PRELID2: variants seen among roughly 807,000 people sequenced by gnomAD.
The protein encoded by PRELID2 is PRELI domain-containing protein 2.
PRELID2 carries 25 observed loss-of-function variants against 28.4 expected under a neutral mutation model. The observed-to-expected ratio is 0.88, with a 90% CI of 0.64 to 1.23. The LOEUF (loss-of-function observed/expected upper bound fraction) is 1.23, where lower values mean the gene tolerates loss of function less well. Among genes scored for constraint, PRELID2 ranks in the 50% most tolerant of loss-of-function variants. PRELID2 has a pLI of 0.00. For synonymous variants in PRELID2, 76 were observed against 71.6 expected (o/e 1.06, Z -0.31); for missense variants, 201 against 214.4 (o/e 0.94, Z 0.39).
chr5:145,406,820 C>A, the PRELID2 span, among the ~76,000 whole-genome samples: 1 of 152,164 alleles, frequency 6.6e-6, no homozygotes, highest in Non-Finnish European at 1.5e-5. Flanking sequence ...AAAATCCAGA[C>A]CACAGGAGAA....
At chr5:145,287,412 A>G in the PRELID2 span, among the ~76,000 whole-genome samples, 2 of 152,192 alleles carry the variant, frequency 1.3e-5, no homozygotes, top group African/African-American at 4.8e-5. Context: ...TGTTGATCTG[A>G]TAACCAAGGT....
chr5:145,595,353 C>G (rs998811429), intron 1 of PRELID2, among the ~76,000 whole-genome samples: 2 of 152,010 alleles, frequency 1.3e-5, no homozygotes, highest in African/African-American at 2.4e-5. Flanking sequence ...TCTTTTAAGC[C>G]TTCGTGTTCA....
At chr5:145,565,659 A>G (rs550203737) in intron 1 of PRELID2, among the ~76,000 whole-genome samples, 29 of 152,344 alleles carry the variant, frequency 1.9e-4, no homozygotes, top group Non-Finnish European at 4.3e-4. Context: ...GCAAAAATAG[A>G]AATTTACTGG....
At chr5:145,770,882 A>G (rs1758060873) in intron 5 of PRELID2, among the ~76,000 whole-genome samples, 1 of 152,208 alleles carries the variant, frequency 6.6e-6, no homozygotes, top group Admixed American at 6.5e-5. Context: ...AAAATTCACA[A>G]TTTTATAGAG....
At chr5:145,305,952 A>T in the PRELID2 span, among the ~76,000 whole-genome samples, 1 of 152,198 alleles carries the variant, frequency 6.6e-6, no homozygotes, top group African/African-American at 2.4e-5. Flanking sequence ...ACAGGATTCT[A>T]CCGGTGGGAA....
chr5:145,525,264 AT>A (rs1194842754), intron 1 of PRELID2, among the ~76,000 whole-genome samples: 2 of 152,182 alleles, frequency 1.3e-5, no homozygotes, highest in African/African-American at 4.8e-5. Flanking sequence ...TTTCTTCACC[AT>A]GATGGATCCC....
the PRELID2 span, among the ~76,000 whole-genome samples, chr5:145,234,836 T>G: frequency 6.6e-6 from 1 of 152,014 alleles, no homozygotes; most frequent in East Asian, 1.9e-4. Flanking sequence ...CCAGGGGAAG[T>G]GTTATCACAG....
chr5:145,709,016 G>A (rs1755619926), intron 1 of PRELID2, among the ~76,000 whole-genome samples: 1 of 152,206 alleles, frequency 6.6e-6, no homozygotes, highest in South Asian at 2.1e-4. Flanking sequence ...GCACCTGGGT[G>A]AGAAAGCTGC....
chr5:145,606,500 G>A (rs994031832), intron 1 of PRELID2, among the ~76,000 whole-genome samples: 1 of 152,054 alleles, frequency 6.6e-6, no homozygotes, highest in Admixed American at 6.5e-5. Flanking sequence ...TTTAAACAAA[G>A]GCTTTTCTGC....
chr5:145,702,976 A>C (rs1284039876), intron 1 of PRELID2, among the ~76,000 whole-genome samples: 1 of 152,218 alleles, frequency 6.6e-6, no homozygotes, highest in Non-Finnish European at 1.5e-5. Flanking sequence ...CACAGCAAAT[A>C]CTATCAAATA....
chr5:145,765,676 C>T lies in PRELID2; in HGVS notation c.475-676G>A, dbSNP rs1401029201. ...TCAGCTAAGACCTTTGTTACAAGTG[C>T]ATTGCAGTTCAAAAATCCCTTCCCG... On this transcript the variant is annotated intron_variant, in intron 5 of 6. Coordinates refer to ENST00000683046, the MANE Select transcript of PRELID2 (RefSeq NM_205846.3). 2.6e-5 allele frequency among the ~76,000 whole-genome samples: 4 copies of T among 152,190 alleles called. No individual in the cohort carries two copies. The East Asian group carries it at 7.7e-4, about 29-fold the overall frequency.
At position 145,823,111 on chromosome 5, in the gene PRELID2, AT is replaced by A; in HGVS notation, c.98del (p.Asn33MetfsTer5). The A allele has an allele frequency of 2.6e-6, 4 of 1,534,532 alleles. No individual in the cohort carries two copies. Among genetic ancestry groups the A allele is most frequent in the Non-Finnish European group, 2.7e-6 (3 of 1,107,870 alleles). ...LRKYPNPMDK[N>X]VISVKIMEEK... ...CCTCCATGATTTTTACTGAGATGACATTTTTATCCATGGGGTTGGGGTACTA... is the reference window on the plus strand; with the variant it reads ...CCTCCATGATTTTTACTGAGATGACATTTTATCCATGGGGTTGGGGTACTA... On this transcript the variant is annotated frameshift_variant, in exon 2 of 7. Coordinates refer to ENST00000683046, the MANE Select transcript of PRELID2 (RefSeq NM_205846.3). LOFTEE classifies it high-confidence loss of function.
intron 1 of PRELID2, among the ~76,000 whole-genome samples, chr5:145,695,712 C>G (rs1031296707): frequency 2.0e-5 from 3 of 152,136 alleles, no homozygotes; most frequent in Non-Finnish European, 4.4e-5. Context: ...TCTGTCCCTG[C>G]TTAGGTGGGC....
At chr5:145,330,655 C>A in the PRELID2 span, among the ~76,000 whole-genome samples, 6 of 152,092 alleles carry the variant, frequency 3.9e-5, no homozygotes, top group South Asian at 4.1e-4. Flanking sequence ...CTATTTGATT[C>A]TTTTCTCTTT....
the PRELID2 span, among the ~76,000 whole-genome samples, chr5:145,373,211 ATATATGATATATAT>A: frequency 3.0e-4 from 16 of 53,856 alleles, 2 homozygotes; most frequent in East Asian, 3.1e-3. Flanking sequence ...CATATATAAT[ATATATGATATATAT>A]TACAACATAT....
intron 1 of PRELID2, among the ~76,000 whole-genome samples, chr5:145,716,040 T>C (rs1755833261): frequency 6.6e-6 from 1 of 152,138 alleles, no homozygotes; most frequent in Non-Finnish European, 1.5e-5. Flanking sequence ...TAAAACATTA[T>C]GAGATTTTTT....
At chr5:145,359,777 A>G in the PRELID2 span, among the ~76,000 whole-genome samples, 3 of 152,162 alleles carry the variant, frequency 2.0e-5, no homozygotes, top group African/African-American at 7.2e-5. Context: ...TCCTTTTGCA[A>G]TGAGATCCCA....
At chr5:145,415,915 T>A in the PRELID2 span, among the ~76,000 whole-genome samples, 1 of 152,104 alleles carries the variant, frequency 6.6e-6, no homozygotes, top group African/African-American at 2.4e-5. Flanking sequence ...AAAGTGTTCC[T>A]ATTTCTCCAC....
chr5:145,504,821 T>C (rs747672077), intron 1 of PRELID2, among the ~76,000 whole-genome samples: 10 of 152,216 alleles, frequency 6.6e-5, no homozygotes, highest in Non-Finnish European at 1.2e-4. Flanking sequence ...AATTATATTG[T>C]TACCTAGTAG....
Sources: allele counts gnomAD v4.1 joint callset (sites outside exome capture counted in the v4.1 genomes callset), GRCh38; gene constraint gnomAD v4.1.1; transcripts MANE v1.5; gene names NCBI Gene and HGNC (gene_info 2026-07-23, HGNC 2026-07-21).